Variants in FOXP2 observed in about 807,000 individuals in gnomAD.
FOXP2 encodes forkhead box protein P2.
A neutral mutation model predicts 115.8 loss-of-function variants in FOXP2; 12 were observed. That is an observed-to-expected ratio of 0.10 (90% CI 0.07 to 0.17). The LOEUF is 0.17. FOXP2 is among the 10% of genes least tolerant of loss of function. The pLI is 1.00. For synonymous variants in FOXP2, 328 were observed against 297.7 expected (o/e 1.10, Z -1.05); for missense variants, 629 against 843.5 (o/e 0.75, Z 3.15).
intron 1 of FOXP2, among the ~76,000 whole-genome samples, chr7:114,243,996 T>C (rs1700118861): frequency 6.6e-6 from 1 of 152,146 alleles, no homozygotes; most frequent in Admixed American, 6.5e-5. Flanking sequence ...GTTATTCTTT[T>C]TCATATAATG....
intron 6 of FOXP2, among the ~76,000 whole-genome samples, chr7:114,636,450 C>T (rs973821886): frequency 6.6e-6 from 1 of 152,006 alleles, no homozygotes; most frequent in African/African-American, 2.4e-5. Context: ...TCTACCAAAA[C>T]TCACTTTTAT....
chr7:114,619,498 A>G (rs1355420764), intron 3 of FOXP2, among the ~76,000 whole-genome samples: 2 of 152,132 alleles, frequency 1.3e-5, no homozygotes, highest in Non-Finnish European at 2.9e-5. Flanking sequence ...GGTACAATAT[A>G]AAAGAGAATA....
At chr7:114,274,795 TTTTG>T (rs952946128) in intron 1 of FOXP2, among the ~76,000 whole-genome samples, 3 of 151,360 alleles carry the variant, frequency 2.0e-5, no homozygotes, top group Non-Finnish European at 2.9e-5. Context: ...TTTTTATGTT[TTTTG>T]TTTGTTTGTT....
intron 3 of FOXP2, among the ~76,000 whole-genome samples, chr7:114,582,936 A>G (rs921978031): frequency 5.3e-5 from 8 of 152,328 alleles, no homozygotes; most frequent in Non-Finnish European, 7.3e-5. Flanking sequence ...AAGATATGCC[A>G]AGATAACATC....
chr7:114,358,845 G>C (rs1014029473), intron 2 of FOXP2, among the ~76,000 whole-genome samples: 1 of 152,102 alleles, frequency 6.6e-6, no homozygotes, highest in Non-Finnish European at 1.5e-5. Context: ...TTTGAAATTG[G>C]AACTTATATT....
chr7:114,227,093 A>G (rs889847379), intron 1 of FOXP2, among the ~76,000 whole-genome samples: 14 of 152,284 alleles, frequency 9.2e-5, no homozygotes, highest in African/African-American at 3.4e-4. Flanking sequence ...ACAAATTTTA[A>G]TAAATCAGGT....
chr7:114,675,257 A>G (rs561628034), intron 16 of FOXP2, among the ~76,000 whole-genome samples: 7 of 152,254 alleles, frequency 4.6e-5, no homozygotes, highest in Non-Finnish European at 8.8e-5. Context: ...CCATTTTTAT[A>G]TAAGCTTCCT....
At chr7:114,554,920 G>A (rs1343662449) in intron 3 of FOXP2, among the ~76,000 whole-genome samples, 1 of 152,046 alleles carries the variant, frequency 6.6e-6, no homozygotes, top group Non-Finnish European at 1.5e-5. Context: ...TCAGACACGT[G>A]TATCTAAAAA....
intron 1 of FOXP2, among the ~76,000 whole-genome samples, chr7:114,183,010 G>GAGCACATTCCACAGATAC (rs1409948282): frequency 6.6e-6 from 1 of 152,072 alleles, no homozygotes; most frequent in Non-Finnish European, 1.5e-5. Context: ...ACAGTTCAAA[G>GAGCACATTCCACAGATAC]AGCACATTCC....
intron 1 of FOXP2, among the ~76,000 whole-genome samples, chr7:114,170,201 T>C (rs1481435617): frequency 6.6e-6 from 1 of 152,196 alleles, no homozygotes; most frequent in Non-Finnish European, 1.5e-5. Flanking sequence ...GATGTTACTA[T>C]TATAATTGTT....
chr7:114,143,454 G>GC (rs1238734298), intron 1 of FOXP2, among the ~76,000 whole-genome samples: 1 of 151,608 alleles, frequency 6.6e-6, no homozygotes, highest in East Asian at 1.9e-4. Context: ...AACAAACAAT[G>GC]CCCCCCCACC....
At chr7:114,138,400 T>C (rs1396946873) in intron 1 of FOXP2, among the ~76,000 whole-genome samples, 2 of 151,230 alleles carry the variant, frequency 1.3e-5, no homozygotes, top group African/African-American at 4.9e-5. Flanking sequence ...ATTCTTTTTT[T>C]TTTTTTTTTG....
intron 2 of FOXP2, among the ~76,000 whole-genome samples, chr7:114,431,782 G>C (rs1794123596): frequency 6.6e-6 from 1 of 151,874 alleles, no homozygotes; most frequent in African/African-American, 2.4e-5. Flanking sequence ...ATTTTAATAT[G>C]ATAACAGCCT....
At chr7:114,534,084 T>C (rs1332857056) in intron 2 of FOXP2, among the ~76,000 whole-genome samples, 1 of 151,906 alleles carries the variant, frequency 6.6e-6, no homozygotes, top group Admixed American at 6.6e-5. Flanking sequence ...CTGCACTTTA[T>C]TTTGTCAAAG....
intron 2 of FOXP2, among the ~76,000 whole-genome samples, chr7:114,496,881 T>C (rs1167542191): frequency 6.6e-6 from 1 of 152,212 alleles, no homozygotes; most frequent in African/African-American, 2.4e-5. Context: ...CATATTTATT[T>C]ACTGTCCAAT....
intron 3 of FOXP2, among the ~76,000 whole-genome samples, chr7:114,582,046 C>T (rs577500286): frequency 1.3e-4 from 20 of 151,958 alleles, no homozygotes; most frequent in South Asian, 4.2e-4. Context: ...TGGCTTGAGA[C>T]GAAAGCAAAT....
intron 2 of FOXP2, among the ~76,000 whole-genome samples, chr7:114,516,078 C>T (rs1039920479): frequency 2.6e-5 from 4 of 152,030 alleles, no homozygotes; most frequent in Non-Finnish European, 4.4e-5. Flanking sequence ...TCATATGAAA[C>T]CAAAAAAGAG....
intron 3 of FOXP2, among the ~76,000 whole-genome samples, chr7:114,545,544 C>G (rs936734836): frequency 2.0e-4 from 30 of 152,128 alleles, no homozygotes; most frequent in Non-Finnish European, 2.6e-4. Context: ...TATATATCTG[C>G]TACGCTCAAT....
At chr7:114,471,107 T>C (rs1465830780) in intron 2 of FOXP2, among the ~76,000 whole-genome samples, 1 of 152,218 alleles carries the variant, frequency 6.6e-6, no homozygotes, top group Non-Finnish European at 1.5e-5. Context: ...TCTGTATTCT[T>C]CAGTATTTTT....
Sources: gnomAD v4.1 joint callset for allele counts (sites outside exome capture counted in the v4.1 genomes callset) on GRCh38, gnomAD v4.1.1 for gene constraint, MANE v1.5 for transcripts, NCBI Gene and HGNC (gene_info 2026-07-23, HGNC 2026-07-21) for gene names.